The following TBC1D8 variants were observed in gnomAD, a reference collection of about 807,000 sequenced individuals.
The protein encoded by TBC1D8 is TBC1 domain family member 8.
TBC1D8 carries 65 observed loss-of-function variants against 118.8 expected under a neutral mutation model. The observed-to-expected ratio is 0.55, with a 90% CI of 0.45 to 0.67. The LOEUF is 0.67. TBC1D8 is among the 30% of genes least tolerant of loss of function. The pLI is 0.00. For missense variants in TBC1D8, 1,376 were observed against 1,471.2 expected (o/e 0.94, Z 1.06); for synonymous variants, 566 against 595.8 (o/e 0.95, Z 0.73).
intron 17 of TBC1D8, among the ~76,000 whole-genome samples, chr2:101,017,025 T>C (rs953115748): frequency 2.6e-5 from 4 of 151,190 alleles, no homozygotes; most frequent in African/African-American, 9.8e-5. Flanking sequence ...TGTATACATA[T>C]GTAACTAACC....
intron 1 of TBC1D8, among the ~76,000 whole-genome samples, chr2:101,114,996 T>C (rs912380879): frequency 1.1e-4 from 17 of 152,308 alleles, no homozygotes; most frequent in Admixed American, 7.2e-4. Context: ...CACTGCCAAC[T>C]GGTGTGTTTC....
chr2:101,040,611 A>G (rs550430880), intron 5 of TBC1D8, among the ~76,000 whole-genome samples: 1 of 152,360 alleles, frequency 6.6e-6, no homozygotes, highest in Admixed American at 6.5e-5. Context: ...CTGGGATTAC[A>G]GGGACGCGCC....
At chr2:101,047,605 T>C (rs1681792041) in intron 5 of TBC1D8, among the ~76,000 whole-genome samples, 1 of 152,182 alleles carries the variant, frequency 6.6e-6, no homozygotes, top group Non-Finnish European at 1.5e-5. Flanking sequence ...GCAAGGTACA[T>C]ACATGCCTTT....
At chr2:101,065,333 T>C (rs1682959110) in intron 2 of TBC1D8, among the ~76,000 whole-genome samples, 1 of 152,246 alleles carries the variant, frequency 6.6e-6, no homozygotes, top group African/African-American at 2.4e-5. Context: ...TCTAAATGCC[T>C]GGGCTAAAAG....
At chr2:101,127,522 AAAG>A (rs1678406237) in intron 1 of TBC1D8, among the ~76,000 whole-genome samples, 1 of 152,086 alleles carries the variant, frequency 6.6e-6, no homozygotes, top group South Asian at 2.1e-4. Flanking sequence ...TCTGCAATCA[AAAG>A]AAGGCTACCC....
chr2:101,030,902 G>A (rs1442510317), intron 11 of TBC1D8, among the ~76,000 whole-genome samples: 3 of 152,202 alleles, frequency 2.0e-5, no homozygotes, highest in South Asian at 2.1e-4. Context: ...TGTCCTCCAT[G>A]ATTACATTTA....
At chr2:101,008,837 A>T (rs542957669) in intron 19 of TBC1D8, among the ~76,000 whole-genome samples, 6 of 152,240 alleles carry the variant, frequency 3.9e-5, no homozygotes, top group Admixed American at 6.5e-5. Context: ...AAACCACAGC[A>T]ACGTACAGAT....
intron 1 of TBC1D8, among the ~76,000 whole-genome samples, chr2:101,122,071 CTTTTT>C (rs544230458): frequency 7.6e-6 from 1 of 131,068 alleles, no homozygotes; most frequent in African/African-American, 2.8e-5. Context: ...ATTTCTTTTT[CTTTTT>C]TTTTTTTTTT....
chr2:101,058,911 A>AT (rs35794655), intron 3 of TBC1D8, among the ~76,000 whole-genome samples: 21 of 145,280 alleles, frequency 1.4e-4, no homozygotes, highest in Admixed American at 2.7e-4. Context: ...TTTATTTTTT[A>AT]TTTTTTTTTT....
At chr2:101,135,473 T>C (rs1236055075) in intron 1 of TBC1D8, among the ~76,000 whole-genome samples, 7 of 151,982 alleles carry the variant, frequency 4.6e-5, no homozygotes, top group Non-Finnish European at 1.0e-4. Flanking sequence ...CCATGTAATA[T>C]ACCAAATGTA....
chr2:101,141,042 G>A (rs1475292388), intron 1 of TBC1D8, among the ~76,000 whole-genome samples: 9 of 151,986 alleles, frequency 5.9e-5, no homozygotes, highest in South Asian at 4.2e-4. Context: ...GATTACAGGC[G>A]TGAGCCACCG....
chr2:101,109,346 T>C (rs1427590712), intron 1 of TBC1D8, among the ~76,000 whole-genome samples: 2 of 152,184 alleles, frequency 1.3e-5, no homozygotes, highest in Admixed American at 6.5e-5. Context: ...CCATAAGTTT[T>C]TGTTGAATGG....
intron 1 of TBC1D8, among the ~76,000 whole-genome samples, chr2:101,140,758 T>C (rs976452927): frequency 2.0e-4 from 27 of 135,386 alleles, no homozygotes; most frequent in Non-Finnish European, 6.2e-5. Context: ...TCTATATTAC[T>C]ACTTTTTTTT....
At chr2:101,145,982 T>C (rs1487403982) in intron 1 of TBC1D8, among the ~76,000 whole-genome samples, 1 of 152,232 alleles carries the variant, frequency 6.6e-6, no homozygotes, top group East Asian at 1.9e-4. Flanking sequence ...TTCAGTTTTT[T>C]TAAATTGTAC....
At chr2:101,104,513 G>A (rs1304930325) in intron 1 of TBC1D8, among the ~76,000 whole-genome samples, 5 of 152,200 alleles carry the variant, frequency 3.3e-5, no homozygotes, top group Admixed American at 2.0e-4. Context: ...TAATAGATTA[G>A]ATATGTAAGT....
At position 101,054,667 on chromosome 2, in the gene TBC1D8, C is replaced by T. The variant is rs933814103; in HGVS notation, c.403-331G>A. ...CTCAAACAAACAATCATTTTCTTTT[C>T]TTTTCTTTTTTTTTTTTTTTTTTTT... On this transcript the variant is annotated intron_variant, in intron 3 of 19. Transcript: ENST00000409318. 3.6e-3 allele frequency among the ~76,000 whole-genome samples: 76 copies of T among 21,242 alleles called. 3 individuals are homozygous for T. Among genetic ancestry groups the T allele is most frequent in the Admixed American group, 8.7e-3 (12 of 1,374 alleles). The allele number at this position is 21,242 out of a possible 152,430, so 13.9% of individuals were successfully genotyped here.
chr2:101,142,511 A>G (rs1297016031), intron 1 of TBC1D8, among the ~76,000 whole-genome samples: 2 of 152,116 alleles, frequency 1.3e-5, no homozygotes, highest in African/African-American at 4.8e-5. Context: ...CTACAACCCA[A>G]ATATCCAAGG....
At chr2:101,136,524 C>T (rs1470173692) in intron 1 of TBC1D8, among the ~76,000 whole-genome samples, 1 of 152,142 alleles carries the variant, frequency 6.6e-6, no homozygotes, top group Non-Finnish European at 1.5e-5. Context: ...GAACCGAATC[C>T]CCACATTAAC....
rs776631525 is a variant in TBC1D8, at chr2:101,027,469, C to T, written c.2452-18G>A. 2.5e-6 allele frequency: 4 copies of T among 1,612,004 alleles called. No individual in the cohort carries two copies. Among genetic ancestry groups the T allele is most frequent in the Non-Finnish European group, 3.4e-6 (4 of 1,178,492 alleles). ...ACTCGAAGCTTGAGGAAAGAATAAA[C>T]AGCAATGGCGTGAAATCTAGGCCTG... On this transcript the variant is annotated intron_variant, in intron 14 of 19. Coordinates refer to ENST00000409318, the MANE Select transcript of TBC1D8 (RefSeq NM_001330348.2).
Sources: allele counts gnomAD v4.1 joint callset (sites outside exome capture counted in the v4.1 genomes callset), GRCh38; gene constraint gnomAD v4.1.1; transcripts MANE v1.5; gene names NCBI Gene and HGNC (gene_info 2026-07-23, HGNC 2026-07-21).